Variants in VPS13D observed in about 807,000 individuals in gnomAD.
VPS13D encodes vacuolar protein sorting 13 homolog D.
Under a neutral mutation model 461.9 loss-of-function variants are expected in VPS13D, and 187 were observed. That is an observed-to-expected ratio of 0.40 (90% CI 0.36 to 0.46). The LOEUF is 0.46. Ranked by LOEUF, VPS13D falls within the 20% of genes least tolerant of loss-of-function variation. The pLI, the probability that VPS13D is intolerant of heterozygous loss-of-function variation, is 0.60. For synonymous variants in VPS13D, 1,951 were observed against 1,986.3 expected, an observed-to-expected ratio of 0.98 and a Z score of 0.47; for missense variants, 4,711 against 5,364.9, an observed-to-expected ratio of 0.88 and a Z score of 3.81.
At chr1:12,458,543 G>A (rs941439739) in intron 66 of VPS13D, among the ~76,000 whole-genome samples, 3 of 152,012 alleles carry the variant, frequency 2.0e-5, no homozygotes, top group Admixed American at 6.6e-5. Flanking sequence ...CTCCTGCCTG[G>A]GTGATAGACG....
chr1:12,270,880 T>G (rs1392709243), intron 16 of VPS13D, 114 bp from the exon 17 acceptor site: 21 of 1,383,646 alleles, frequency 1.5e-5, no homozygotes, highest in Non-Finnish European at 2.1e-5. Flanking sequence ...ATGCCCAGCC[T>G]GATTTTTTTT....
At chr1:12,411,560 GGAGA>G (rs1423729239) in intron 63 of VPS13D, among the ~76,000 whole-genome samples, 1 of 145,766 alleles carries the variant, frequency 6.9e-6, no homozygotes, top group Non-Finnish European at 1.5e-5. Flanking sequence ...AGGGAGGGAG[GGAGA>G]GAAAGAAAAC....
intron 6 of VPS13D, 89 bp downstream of exon 6, chr1:12,249,428 T>C (rs1640664560): frequency 3.0e-6 from 3 of 997,058 alleles, no homozygotes; most frequent in African/African-American, 1.6e-5. Flanking sequence ...GTTATGTAAA[T>C]GAATCACATT....
At chr1:12,325,229 A>G (rs1376352827) in intron 35 of VPS13D, among the ~76,000 whole-genome samples, 6 of 151,150 alleles carry the variant, frequency 4.0e-5, no homozygotes, top group African/African-American at 1.5e-4. Flanking sequence ...TCCAGTCTTT[A>G]CACTTGTGTG....
In VPS13D at chr1:12,385,287, A is replaced by G. The variant is rs1255189917; in HGVS notation, c.11398A>G (p.Ser3800Gly). ...QITDFCHRKS[S>G]RSYEVDELPV... Reference sequence around the variant, plus strand: ...AACAGATTTCTGCCACCGGAAAAGCAGCCGTTCATATGAAGTGGATGAACT... The same window carrying G: ...AACAGATTTCTGCCACCGGAAAAGCGGCCGTTCATATGAAGTGGATGAACT... Residue 3800 changes from serine (S) to glycine (G), a missense_variant, in exon 59 of 70, where the codon AGC (serine) becomes GGC (glycine). By Grantham distance (56) the Ser-to-Gly change is moderately conservative. This residue lies in a region of VPS13D where 4,411 missense variants were observed against 4,937.8 expected (regional missense o/e 0.89). Coordinates refer to ENST00000620676, the MANE Select transcript of VPS13D (RefSeq NM_015378.4). The G allele has an allele frequency of 3.7e-6, 6 of 1,613,954 alleles. No homozygotes were observed. The highest frequency in any genetic ancestry group is 1.6e-4 in the Middle Eastern group (1 of 6,062).
At position 12,282,557 on chromosome 1, in the gene VPS13D, G is replaced by A. The variant is rs924908572; in HGVS notation, c.4603-148G>A. The A allele has an allele frequency of 1.1e-5, 9 of 783,248 alleles. No individual in the cohort carries two copies. The South Asian group carries it at 1.6e-4, about 14-fold the overall frequency. The allele number at this position is 783,248 out of a possible 1,614,324, so 48.5% of individuals were successfully genotyped here. ...CAGAAGTGGGTCATAAAGAGGTAAG[G>A]ACAAAATAAATGAAAAGAGATAGTC... On this transcript the variant is annotated intron_variant, in intron 20 of 69. Transcript: ENST00000620676.
intron 14 of VPS13D, 85 bp from the exon 15 acceptor site, chr1:12,267,760 G>A: frequency 8.4e-7 from 1 of 1,192,308 alleles, no homozygotes; most frequent in Non-Finnish European, 1.3e-6. Context: ...AAGGGAGTGT[G>A]TTGCTGAAGG....
At chr1:12,419,638 A>G (rs1370207632) in intron 65 of VPS13D, among the ~76,000 whole-genome samples, 2 of 152,170 alleles carry the variant, frequency 1.3e-5, no homozygotes, top group African/African-American at 4.8e-5. Context: ...AACTTGCTCA[A>G]TATCATGAAC....
At chr1:12,499,542 CAG>C in intron 68 of VPS13D, 2 of 985,402 alleles carry the variant, frequency 2.0e-6, no homozygotes, top group Non-Finnish European at 2.4e-6. Context: ...CATTGAAAAA[CAG>C]AGCCAGAGAG....
intron 27 of VPS13D, among the ~76,000 whole-genome samples, chr1:12,310,980 G>C (rs1486689511): frequency 6.7e-6 from 1 of 149,774 alleles, no homozygotes; most frequent in Non-Finnish European, 1.5e-5. Flanking sequence ...ACAGTGGCAC[G>C]ATCACAGCTT....
intron 6 of VPS13D, 98 bp from the exon 7 acceptor site, chr1:12,253,624 T>C: frequency 1.0e-6 from 1 of 954,532 alleles, no homozygotes; most frequent in Non-Finnish European, 1.7e-6. Context: ...CCTTGCAAAG[T>C]ACCTGACACA....
At chr1:12,293,852 A>G (rs1055958530) in intron 24 of VPS13D, 148 bp downstream of exon 24, 9 of 789,780 alleles carry the variant, frequency 1.1e-5, no homozygotes, top group Admixed American at 3.2e-5. Flanking sequence ...ATCTTTGTGT[A>G]ATTGAAGAGC....
chr1:12,400,106 C>A, intron 60 of VPS13D, 75 bp from the exon 61 acceptor site: 1 of 1,541,906 alleles, frequency 6.5e-7, no homozygotes, highest in Non-Finnish European at 8.8e-7. Context: ...TATGAGGCCC[C>A]ACTCAAGCGT....
rs1642743795 is a variant in VPS13D, at chr1:12,311,374, GC to G, written c.6651-76del. ...TGATAATGTAGGTGAGTACATTTTAGCCCCGTTGTTTGGGCGTGAGCTATGT... is the reference window on the plus strand; with the variant it reads ...TGATAATGTAGGTGAGTACATTTTAGCCCGTTGTTTGGGCGTGAGCTATGT... On this transcript the variant is annotated intron_variant, in intron 27 of 69. Coordinates refer to ENST00000620676, the MANE Select transcript of VPS13D (RefSeq NM_015378.4). 4 of 1,367,296 alleles carry G rather than the reference GC, an allele frequency of 2.9e-6. No individual in the cohort carries two copies. In the South Asian group the frequency reaches 6.0e-5, roughly 20 times the overall value. 84.7% of individuals were successfully genotyped at this position (1,367,296 alleles called of 1,614,324 possible).
rs1645938365 is a variant in VPS13D, at chr1:12,495,082, C to G, written c.12663-2418C>G. ...CACATGGGAGCCAAGCAGTAAATAA[C>G]ATGTTTATCCACCTGGGATGGAAAG... On this transcript the variant is annotated intron_variant, in intron 67 of 69. Coordinates refer to ENST00000620676, the MANE Select transcript of VPS13D (RefSeq NM_015378.4). This position sits in a 1 kb window ranked among gnomAD's most constrained non-coding sequence, Gnocchi z 4.0. 1.3e-5 allele frequency among the ~76,000 whole-genome samples: 2 copies of G among 152,012 alleles called. No homozygotes were observed. The highest frequency in any genetic ancestry group is 2.9e-5 in the Non-Finnish European group (2 of 68,000).
Position 12,322,572 on chromosome 1 carries a change from A to C in VPS13D, c.7741A>C (p.Asn2581His), listed in dbSNP as rs556275241. 3.1e-6 allele frequency: 5 copies of C among 1,614,224 alleles called. No individual in the cohort carries two copies. In the South Asian group the frequency reaches 5.5e-5, roughly 18 times the overall value. ...AGCCCTGGATATCAGACTCTCCTATAATGATGTTCAGCTGTTTCTTGCCAT... is the reference window on the plus strand; with the variant it reads ...AGCCCTGGATATCAGACTCTCCTATCATGATGTTCAGCTGTTTCTTGCCAT... ...LQALDIRLSY[N>H]DVQLFLAIAK... The change falls in exon 34 of 70, where the codon AAT becomes CAT. Residue 2581 changes from asparagine (N) to histidine (H), a missense_variant. Asn to His is a moderately conservative substitution (Grantham distance 68). Around this residue, in one of 3 missense-constraint regions of VPS13D, gnomAD observed 4,411 missense variants for 4,937.8 expected, o/e 0.89. Transcript: ENST00000620676.
Position 12,414,940 on chromosome 1 carries a change from T to C in VPS13D, c.12031-147T>C, listed in dbSNP as rs1054291070. 27 of 884,626 alleles carry C rather than the reference T, an allele frequency of 3.1e-5. No homozygotes were observed. The South Asian group carries it at 4.1e-4, about 14-fold the overall frequency. The allele number at this position is 884,626 out of a possible 1,614,324, so 54.8% of individuals were successfully genotyped here. ...CCCTAGTATTTTACTTTTATAGTTA[T>C]AGGGAAAATCCTTATTTATAAACAT... On this transcript the variant is annotated intron_variant, in intron 63 of 69. Coordinates refer to ENST00000620676, the MANE Select transcript of VPS13D (RefSeq NM_015378.4).
intron 23 of VPS13D, among the ~76,000 whole-genome samples, chr1:12,292,348 T>G (rs1557690340): frequency 6.6e-6 from 1 of 151,360 alleles, no homozygotes; most frequent in African/African-American, 2.4e-5. Flanking sequence ...TTTTCTTTTT[T>G]TTAATCTAAG....
At position 12,273,088 on chromosome 1, in the gene VPS13D, T is replaced by C. The variant is rs773382987; in HGVS notation, c.2189T>C (p.Val730Ala). 5 of 1,614,038 alleles carry C rather than the reference T, an allele frequency of 3.1e-6. No individual in the cohort carries two copies. The African/African-American group carries it at 4.0e-5, about 13-fold the overall frequency. Reference protein sequence around the residue: ...FPDDFKFKNPVLVVVDLGRML... With the variant: ...FPDDFKFKNPALVVVDLGRML... ...GATGATTTCAAATTCAAGAATCCTG[T>C]GTTAGTTGTCGTGGATCTAGGAAGA... Residue 730 changes from valine (V) to alanine (A), a missense_variant, in exon 18 of 70, where the codon GTG (valine) becomes GCG (alanine). Around this residue, in one of 3 missense-constraint regions of VPS13D, gnomAD observed 4,411 missense variants for 4,937.8 expected, o/e 0.89. Transcript: ENST00000620676.
Sources: allele counts gnomAD v4.1 joint callset (sites outside exome capture counted in the v4.1 genomes callset), GRCh38; gene constraint gnomAD v4.1.1; regional missense constraint gnomAD v4.1.1; non-coding constraint Gnocchi (gnomAD v3.1); transcripts MANE v1.5; gene names NCBI Gene and HGNC (gene_info 2026-07-23, HGNC 2026-07-21).